Variants in CCDC80 observed in about 807,000 individuals in gnomAD.
CCDC80 encodes coiled-coil domain-containing protein 80.
A neutral mutation model predicts 78.7 loss-of-function variants in CCDC80; 49 were observed. The observed-to-expected ratio is 0.62, with a 90% CI of 0.50 to 0.79. The LOEUF is 0.79. CCDC80 is among the 30% of genes least tolerant of loss of function. CCDC80 has a pLI of 0.00. For synonymous variants in CCDC80, 488 were observed against 447.0 expected, an observed-to-expected ratio of 1.09 and a Z score of -1.16; for missense variants, 1,205 against 1,198.6, an observed-to-expected ratio of 1.01 and a Z score of -0.08.
chr3:112,610,366 A>G, intron 5 of CCDC80: 1 of 428,368 alleles, frequency 2.3e-6, no homozygotes, highest in Non-Finnish European at 4.4e-6. Flanking sequence ...GGGGAGAGAC[A>G]AACTCTCAGA....
chr3:112,627,343 A>G (rs1443321900), intron 3 of CCDC80, among the ~76,000 whole-genome samples: 1 of 152,234 alleles, frequency 6.6e-6, no homozygotes, highest in Non-Finnish European at 1.5e-5. Flanking sequence ...ACAAAACCAG[A>G]TAGGCATTGG....
At chr3:112,610,919 T>C (rs866604398) in intron 5 of CCDC80, among the ~76,000 whole-genome samples, 28 of 141,416 alleles carry the variant, frequency 2.0e-4, no homozygotes, top group Admixed American at 1.2e-3. Flanking sequence ...TTCTTTCTTT[T>C]TTTTTTTTTT....
At chr3:112,620,378 G>A (rs1935841799) in intron 3 of CCDC80, among the ~76,000 whole-genome samples, 1 of 152,074 alleles carries the variant, frequency 6.6e-6, no homozygotes, top group African/African-American at 2.4e-5. Flanking sequence ...TGAGAACCAA[G>A]CACTGTCTGC....
rs905926899 is a variant in CCDC80, at chr3:112,603,469, C to T, written c.*1948G>A. 4 of 150,110 alleles carry T rather than the reference C, an allele frequency of 2.7e-5. 1 individual carries two copies. The highest frequency in any genetic ancestry group is 4.4e-5 in the Non-Finnish European group (3 of 67,680). The allele number at this position is 150,110 out of a possible 1,614,324, so 9.3% of individuals were successfully genotyped here. ...GGCAGAGGTTGCAGTGAGCCAAGAT[C>T]GCACCACTGCACTCCAGCCTGGGTG... On this transcript the variant is annotated 3_prime_UTR_variant, in exon 8 of 8. Transcript: ENST00000206423.
rs115687762 is a variant in CCDC80, at chr3:112,617,846, G to A, written c.2173-988C>T. On this transcript the variant is annotated intron_variant, in intron 4 of 7. Transcript: ENST00000206423. ...GATAAGTTGTTTTAAAAATTGTTTA[G>A]GGAATGCTTTAAAGAAGTATTAAGA... 6.8e-3 allele frequency among the ~76,000 whole-genome samples: 1,034 copies of A among 152,322 alleles called. 11 individuals are homozygous for A. Among genetic ancestry groups the A allele is most frequent in the African/African-American group, 0.024 (978 of 41,560 alleles).
rs949495448 is a variant in CCDC80 at position 112,605,332 on chromosome 3, C to T, written c.*85G>A. On this transcript the variant is annotated 3_prime_UTR_variant, in exon 8 of 8. Transcript: ENST00000206423. Reference sequence around the variant, plus strand: ...AAAGAAAAAGGCAGGAAATGTAGTACGCAGTGTGGAAGAATGGAGCTGGCC... The same window carrying T: ...AAAGAAAAAGGCAGGAAATGTAGTATGCAGTGTGGAAGAATGGAGCTGGCC... 9 of 859,886 alleles carry T rather than the reference C, an allele frequency of 1.0e-5. No individual in the cohort carries two copies. Among genetic ancestry groups the T allele is most frequent in the Non-Finnish European group, 1.3e-5 (7 of 548,048 alleles). 53.3% of individuals were successfully genotyped at this position (859,886 alleles called of 1,614,324 possible).
At chr3:112,626,885 T>C (rs930322317) in intron 3 of CCDC80, among the ~76,000 whole-genome samples, 1 of 152,184 alleles carries the variant, frequency 6.6e-6, no homozygotes, top group Admixed American at 6.5e-5. Context: ...ATGAAGTCAT[T>C]AGATAGTAAG....
Position 112,602,426 on chromosome 3 carries a change from T to G in CCDC80, c.*2991A>C, listed in dbSNP as rs1262379596. 1 of 152,174 alleles carries G rather than the reference T, an allele frequency of 6.6e-6. No homozygotes were observed. The highest frequency in any genetic ancestry group is 2.4e-5 in the African/African-American group (1 of 41,446). The allele number at this position is 152,174 out of a possible 1,614,324, so 9.4% of individuals were successfully genotyped here. On this transcript the variant is annotated 3_prime_UTR_variant, in exon 8 of 8. Coordinates refer to ENST00000206423, the MANE Select transcript of CCDC80 (RefSeq NM_199511.3). Reference sequence around the variant, plus strand: ...AAAAGCTAGAAATGAATAAGCTTAGTGAGGAAGGTGTGTCAAAAGCTGAGA... The same window carrying G: ...AAAAGCTAGAAATGAATAAGCTTAGGGAGGAAGGTGTGTCAAAAGCTGAGA...
intron 2 of CCDC80, among the ~76,000 whole-genome samples, chr3:112,632,392 A>G (rs1354538132): frequency 6.6e-6 from 1 of 152,216 alleles, no homozygotes; most frequent in Admixed American, 6.5e-5. Flanking sequence ...TATTTAGAAT[A>G]TATTTAGAGG....
intron 2 of CCDC80, among the ~76,000 whole-genome samples, chr3:112,633,382 A>C (rs1279992005): frequency 6.6e-6 from 1 of 152,150 alleles, no homozygotes; most frequent in African/African-American, 2.4e-5. Flanking sequence ...TCTAGCATGC[A>C]GGGATCACTT....
At chr3:112,637,941 C>T in intron 2 of CCDC80, 87 bp downstream of exon 2, 5 of 1,522,272 alleles carry the variant, frequency 3.3e-6, no homozygotes, top group East Asian at 4.5e-5. Flanking sequence ...TGGCATCTAG[C>T]AATATGATTT....
chr3:112,624,923 T>C (rs1205015134), intron 3 of CCDC80, among the ~76,000 whole-genome samples: 1 of 152,106 alleles, frequency 6.6e-6, no homozygotes, highest in East Asian at 1.9e-4. Flanking sequence ...TCAAACCTAA[T>C]AGCAAATCAG....
rs763364589 is a variant in CCDC80 at position 112,619,078 on chromosome 3, C to T, written c.2062G>A (p.Asp688Asn). 6.2e-7 allele frequency: 1 copy of T among 1,602,728 alleles called. No individual in the cohort carries two copies. Among genetic ancestry groups the T allele is most frequent in the South Asian group, 1.1e-5 (1 of 88,738 alleles). ...LDNEKPMRVVDDEDLVDQRLI... is the reference protein window; with the variant it reads ...LDNEKPMRVVNDEDLVDQRLI... The stretch of plus-strand genomic sequence containing the variant: ...CGCTGGTCTACCAAGTCTTCATCAT[C>T]CACCACTCGCATGGGCTTCTCATTA... Residue 688 changes from aspartate (D) to asparagine (N), a missense_variant, in exon 4 of 8, where the codon GAT (aspartate) becomes AAT (asparagine). Transcript: ENST00000206423.
intron 3 of CCDC80, among the ~76,000 whole-genome samples, chr3:112,620,076 T>G (rs1254948365): frequency 1.3e-5 from 2 of 152,204 alleles, no homozygotes; most frequent in African/African-American, 4.8e-5. Context: ...CACTACCCAG[T>G]GACTAACACT....
At chr3:112,635,481 A>G (rs1936188344) in intron 2 of CCDC80, among the ~76,000 whole-genome samples, 1 of 152,228 alleles carries the variant, frequency 6.6e-6, no homozygotes, top group African/African-American at 2.4e-5. Context: ...TGAGTGGAAA[A>G]GGCTAAACAG....
intron 5 of CCDC80, among the ~76,000 whole-genome samples, chr3:112,613,665 T>C (rs1247929517): frequency 6.6e-6 from 1 of 152,092 alleles, no homozygotes; most frequent in African/African-American, 2.4e-5. Flanking sequence ...TCTCTGAGGA[T>C]GTCTGTAGCT....
rs1194960351 is a variant in CCDC80 at position 112,605,264 on chromosome 3, A to T, written c.*153T>A. The T allele has an allele frequency of 3.5e-6, 2 of 566,896 alleles. No homozygotes were observed. The highest frequency in any genetic ancestry group is 5.3e-5 in the South Asian group (2 of 37,818). The allele number at this position is 566,896 out of a possible 1,614,324, so 35.1% of individuals were successfully genotyped here. A position where few individuals can be genotyped will look rare whatever the true frequency, so the allele number is the denominator to read the frequency against. ...TTGAGGTTTCAATAATAACTCATGAATAGGTGAAAGTTTGCTATTTATTTA... is the reference window on the plus strand; with the variant it reads ...TTGAGGTTTCAATAATAACTCATGATTAGGTGAAAGTTTGCTATTTATTTA... On this transcript the variant is annotated 3_prime_UTR_variant, in exon 8 of 8. Transcript: ENST00000206423.
In CCDC80 at chr3:112,597,877, T is replaced by C. The variant is rs1445526153; in HGVS notation, c.*7540A>G. The C allele has an allele frequency of 6.6e-6, 1 of 152,218 alleles. No individual in the cohort carries two copies. Among genetic ancestry groups the C allele is most frequent in the African/African-American group, 2.4e-5 (1 of 41,448 alleles). The allele number at this position is 152,218 out of a possible 1,614,324, so 9.4% of individuals were successfully genotyped here. A position where few individuals can be genotyped will look rare whatever the true frequency, so the allele number is the denominator to read the frequency against. On this transcript the variant is annotated 3_prime_UTR_variant, in exon 8 of 8. Transcript: ENST00000206423. ...GTTTATAATTAACGGCGTACCTAAC[T>C]GTTCTCTACTAGTCTGAGCCTCTGT...
chr3:112,638,537 C>G lies in CCDC80; in HGVS notation c.1369G>C (p.Ala457Pro). Residue 457 changes from alanine (A) to proline (P), a missense_variant, in exon 2 of 8, where the codon GCT becomes CCT. Ala to Pro is a conservative substitution (Grantham distance 27). Transcript: ENST00000206423. ...TCCCGGAAACGGCCTGGGCCAGCAG[C>G]CCTTGTGCTGGGTTCTGAGATGGTG... Reference protein sequence around the residue: ...PTTISEPSTRAAGPGRFRDNR... With the variant: ...PTTISEPSTRPAGPGRFRDNR... 2 of 1,613,988 alleles carry G rather than the reference C, an allele frequency of 1.2e-6. No individual in the cohort carries two copies. The highest frequency in any genetic ancestry group is 1.7e-6 in the Non-Finnish European group (2 of 1,180,000).
Sources: gnomAD v4.1 joint callset for allele counts (sites outside exome capture counted in the v4.1 genomes callset) on GRCh38, gnomAD v4.1.1 for gene constraint, MANE v1.5 for transcripts, NCBI Gene and HGNC (gene_info 2026-07-23, HGNC 2026-07-21) for gene names.